Variants in FAM120A observed in about 807,000 individuals in gnomAD.
FAM120A encodes the protein constitutive coactivator of PPAR-gamma-like protein 1.
Under a neutral mutation model 109.7 loss-of-function variants are expected in FAM120A, and 15 were observed. The observed-to-expected ratio is 0.14, with a 90% confidence interval of 0.09 to 0.21. FAM120A has a LOEUF of 0.21. Among genes scored for constraint, FAM120A ranks in the 10% least tolerant of loss-of-function variants. The pLI, the probability that FAM120A is intolerant of heterozygous loss-of-function variation, is 1.00. For missense variants in FAM120A, 899 were observed against 1,439.3 expected, an observed-to-expected ratio of 0.62 and a Z score of 6.07; for synonymous variants, 493 against 572.8, an observed-to-expected ratio of 0.86 and a Z score of 1.99.
intron 10 of FAM120A, among the ~76,000 whole-genome samples, chr9:93,533,475 C>T (rs1020768106): frequency 6.6e-6 from 1 of 152,158 alleles, no homozygotes. Flanking sequence ...AGCATCTCCA[C>T]CCTCTGTGTC....
chr9:93,476,347 T>A lies in FAM120A; in HGVS notation c.804+9T>A. ...CACTAGCCTCACTAAAGGTACAAAT[T>A]TCACTTTATTTTTCTAGCATTTGTA... On this transcript the variant is annotated intron_variant, in intron 3 of 17. Coordinates refer to ENST00000277165, the MANE Select transcript of FAM120A (RefSeq NM_014612.5). The A allele has an allele frequency of 6.4e-7, 1 of 1,555,514 alleles. No homozygotes were observed.
intron 7 of FAM120A, among the ~76,000 whole-genome samples, chr9:93,522,746 A>G (rs1860897151): frequency 6.6e-6 from 1 of 152,182 alleles, no homozygotes; most frequent in South Asian, 2.1e-4. Context: ...GGACATCTCC[A>G]CATTTATTTT....
chr9:93,528,873 C>T (rs1232132568), intron 8 of FAM120A, among the ~76,000 whole-genome samples: 1 of 152,034 alleles, frequency 6.6e-6, no homozygotes, highest in Non-Finnish European at 1.5e-5. Flanking sequence ...AATTCCATTT[C>T]TATGTGTTAG....
intron 3 of FAM120A, among the ~76,000 whole-genome samples, chr9:93,491,043 C>T (rs1859288899): frequency 6.6e-6 from 1 of 152,194 alleles, no homozygotes; most frequent in Non-Finnish European, 1.5e-5. Context: ...AGAACACATA[C>T]TGCTTGTTCT....
chr9:93,505,051 G>GTTTTTTTTTTTTTTT (rs768552939), intron 5 of FAM120A, among the ~76,000 whole-genome samples: 1 of 81,320 alleles, frequency 1.2e-5, no homozygotes, highest in Non-Finnish European at 2.2e-5. Context: ...GTTCGCTTGT[G>GTTTTTTTTTTTTTTT]TTTTTTTTTT....
At chr9:93,523,943 T>C (rs1860955194) in intron 7 of FAM120A, among the ~76,000 whole-genome samples, 1 of 152,238 alleles carries the variant, frequency 6.6e-6, no homozygotes, top group Non-Finnish European at 1.5e-5. Context: ...ATACTGGTGC[T>C]TCTGTAGGGA....
chr9:93,554,764 C>A (rs991889593), intron 12 of FAM120A, among the ~76,000 whole-genome samples: 4 of 152,198 alleles, frequency 2.6e-5, no homozygotes, highest in African/African-American at 9.7e-5. Context: ...ATTTGGATAG[C>A]CAGGCAAACA....
chr9:93,555,562 T>C (rs1862259330), intron 12 of FAM120A, among the ~76,000 whole-genome samples: 1 of 152,232 alleles, frequency 6.6e-6, no homozygotes, highest in African/African-American at 2.4e-5. Flanking sequence ...GGCTAAACTT[T>C]GATCCTGGAT....
intron 2 of FAM120A, among the ~76,000 whole-genome samples, chr9:93,475,752 G>T (rs1858521467): frequency 6.6e-6 from 1 of 152,184 alleles, no homozygotes; most frequent in Admixed American, 6.5e-5. Context: ...GAAATTATGG[G>T]AGAAGGGTGT....
At chr9:93,538,451 T>C (rs1274076327) in intron 10 of FAM120A, among the ~76,000 whole-genome samples, 1 of 152,248 alleles carries the variant, frequency 6.6e-6, no homozygotes, top group Non-Finnish European at 1.5e-5. Context: ...TGGAGGTTTT[T>C]GTTGTTGTTT....
At chr9:93,461,983 A>T (rs1304168759) in intron 1 of FAM120A, among the ~76,000 whole-genome samples, 1 of 152,250 alleles carries the variant, frequency 6.6e-6, no homozygotes, top group Non-Finnish European at 1.5e-5. Flanking sequence ...CTGTGATCAC[A>T]TCACAAGCAG....
At chr9:93,555,519 G>GC (rs1862257914) in intron 12 of FAM120A, among the ~76,000 whole-genome samples, 2 of 152,204 alleles carry the variant, frequency 1.3e-5, no homozygotes, top group Admixed American at 6.5e-5. Flanking sequence ...TTCTTGAAAA[G>GC]CCACCAAAGT....
chr9:93,482,054 G>T (rs1176308530), intron 3 of FAM120A, among the ~76,000 whole-genome samples: 1 of 151,948 alleles, frequency 6.6e-6, no homozygotes, highest in Non-Finnish European at 1.5e-5. Context: ...ATGTCTTTGT[G>T]TATTTATCAC....
chr9:93,510,223 T>C (rs1444590685), intron 5 of FAM120A, among the ~76,000 whole-genome samples: 1 of 152,162 alleles, frequency 6.6e-6, no homozygotes, highest in Non-Finnish European at 1.5e-5. Flanking sequence ...CCATTTTCAG[T>C]GAGTTTGTGG....
At chr9:93,460,218 A>T (rs1242925275) in intron 1 of FAM120A, among the ~76,000 whole-genome samples, 2 of 152,268 alleles carry the variant, frequency 1.3e-5, no homozygotes, top group East Asian at 3.8e-4. Context: ...TTGAAAACTT[A>T]GACTACTTTC....
At chr9:93,459,981 G>A (rs1009796731) in intron 1 of FAM120A, among the ~76,000 whole-genome samples, 6 of 152,204 alleles carry the variant, frequency 3.9e-5, no homozygotes, top group African/African-American at 1.4e-4. Context: ...CAGGAAGAAA[G>A]TAATCAAAAC....
At chr9:93,464,152 T>G (rs1857911689) in intron 1 of FAM120A, among the ~76,000 whole-genome samples, 1 of 152,234 alleles carries the variant, frequency 6.6e-6, no homozygotes, top group African/African-American at 2.4e-5. Flanking sequence ...CAAGTTTTTC[T>G]TCTTATGGGG....
rs184456638 is a variant in FAM120A, at chr9:93,559,509, G to A, written c.2806+791G>A. 8.5e-5 allele frequency among the ~76,000 whole-genome samples: 13 copies of A among 152,356 alleles called. 1 individual carries two copies. The highest frequency in any genetic ancestry group is 5.8e-4 in the East Asian group (3 of 5,188). On this transcript the variant is annotated intron_variant, in intron 15 of 17. Transcript: ENST00000277165. ...AGGGAGGCCAGCAAGGGAACTGTGC[G>A]GAAAGGTGACTTGCAGATTTGGCGA... is the stretch of plus-strand genomic sequence containing the variant.
intron 2 of FAM120A, among the ~76,000 whole-genome samples, chr9:93,475,439 T>C (rs896304590): frequency 2.0e-5 from 3 of 152,210 alleles, no homozygotes; most frequent in African/African-American, 7.2e-5. Flanking sequence ...ATTCTGTTAG[T>C]AGCAAATTAA....
Sources: allele counts gnomAD v4.1 joint callset (sites outside exome capture counted in the v4.1 genomes callset), GRCh38; gene constraint gnomAD v4.1.1; transcripts MANE v1.5; gene names NCBI Gene and HGNC (gene_info 2026-07-23, HGNC 2026-07-21).